LRRIQ1: variants seen among roughly 807,000 people sequenced by gnomAD.
LRRIQ1 encodes the protein leucine-rich repeat- and IQ domain-containing protein 1.
Under a neutral mutation model 211.9 loss-of-function variants are expected in LRRIQ1, and 210 were observed. The ratio of observed to expected loss-of-function variants is 0.99; its 90% CI spans 0.89 to 1.11. The LOEUF is 1.11. Among genes scored for constraint, LRRIQ1 ranks in the 50% most tolerant of loss-of-function variants. LRRIQ1 has a pLI of 0.00. For synonymous variants in LRRIQ1, 699 were observed against 650.1 expected, an observed-to-expected ratio of 1.08 and a Z score of -1.14; for missense variants, 2,136 against 1,939.5, an observed-to-expected ratio of 1.10 and a Z score of -1.90.
intron 15 of LRRIQ1, among the ~76,000 whole-genome samples, chr12:85,113,822 A>G (rs757327774): frequency 1.3e-5 from 2 of 152,016 alleles, no homozygotes; most frequent in Non-Finnish European, 2.9e-5. Flanking sequence ...GAGAAACTGA[A>G]CTATAGGACA....
At chr12:85,252,466 G>T (rs531103936) in intron 1 of LRRIQ1, among the ~76,000 whole-genome samples, 6 of 151,978 alleles carry the variant, frequency 3.9e-5, no homozygotes, top group African/African-American at 1.4e-4. Flanking sequence ...TATTTTGAAG[G>T]TGGTTATTAA....
At chr12:85,049,788 C>T (rs1464970946) in intron 6 of LRRIQ1, among the ~76,000 whole-genome samples, 1 of 152,066 alleles carries the variant, frequency 6.6e-6, no homozygotes, top group Non-Finnish European at 1.5e-5. Context: ...GGAAGATAAC[C>T]AATGACTTCT....
chr12:85,037,378 TAA>T (rs373063056), intron 1 of LRRIQ1, among the ~76,000 whole-genome samples: 1 of 149,544 alleles, frequency 6.7e-6, no homozygotes, highest in Non-Finnish European at 1.5e-5. Flanking sequence ...TTTGTAGGCA[TAA>T]AAAAAAAATC....
At chr12:85,181,350 A>G (rs1203925463) in intron 24 of LRRIQ1, among the ~76,000 whole-genome samples, 2 of 151,912 alleles carry the variant, frequency 1.3e-5, no homozygotes, top group African/African-American at 2.4e-5. Flanking sequence ...AAGAGTGAAT[A>G]TATTTTCTAT....
chr12:85,196,858 T>C (rs1038395388), intron 24 of LRRIQ1, among the ~76,000 whole-genome samples: 1 of 152,078 alleles, frequency 6.6e-6, no homozygotes, highest in African/African-American at 2.4e-5. Flanking sequence ...GCTTCTGCAC[T>C]GCAAAAGAAA....
In LRRIQ1 at chr12:85,152,355, C is replaced by T; in HGVS notation, c.4405C>T (p.Leu1469=). 1 of 1,610,694 alleles carries T rather than the reference C, an allele frequency of 6.2e-7. No homozygotes were observed. Among genetic ancestry groups the T allele is most frequent in the Non-Finnish European group, 8.5e-7 (1 of 1,177,914 alleles). Reference sequence around the variant, plus strand: ...ACAAACACTGCTTCTTTCAAACCAGCTGCATTGGCCAAAGGTAACATGTCA... The same window carrying T: ...ACAAACACTGCTTCTTTCAAACCAGTTGCATTGGCCAAAGGTAACATGTCA... ...PSQTLLLSNQ[L]HWPKIPGNLK... Residue 1469 remains leucine, a synonymous_variant, in exon 20 of 27, where the codon CTG becomes TTG. Transcript: ENST00000393217.
Position 85,047,463 on chromosome 12 carries a change from TTCA to T in LRRIQ1, c.672_674del (p.Ile224_Gln225delinsMet). On this transcript the variant is annotated inframe_deletion, in exon 6 of 27. Transcript: ENST00000393217. Reference sequence around the variant, plus strand: ...GTTGAAAAGAAGAAATTAGAGAACATTCAGAAGGTATTTTGCTTTTGTTTTTCA... The same window carrying T: ...GTTGAAAAGAAGAAATTAGAGAACATGAAGGTATTTTGCTTTTGTTTTTCA... 5 of 1,610,264 alleles carry T rather than the reference TTCA, an allele frequency of 3.1e-6. No individual in the cohort carries two copies. Among genetic ancestry groups the T allele is most frequent in the Non-Finnish European group, 4.2e-6 (5 of 1,178,588 alleles).
rs1037815988 is a variant in LRRIQ1, at chr12:85,098,658, C to T, written c.3081+110C>T. The T allele has an allele frequency of 5.6e-6, 5 of 888,908 alleles. No homozygotes were observed. In the African/African-American group the frequency reaches 6.8e-5, roughly 12 times the overall value. 55.1% of individuals were successfully genotyped at this position (888,908 alleles called of 1,614,324 possible). ...TTGAATAATTATTTTGTTCATTTTT[C>T]ACCATGAAGTAACCTTTATCAAGAA... On this transcript the variant is annotated intron_variant, in intron 12 of 26. Coordinates refer to ENST00000393217, the MANE Select transcript of LRRIQ1 (RefSeq NM_001079910.2).
intron 16 of LRRIQ1, among the ~76,000 whole-genome samples, chr12:85,122,387 A>G (rs1014371177): frequency 3.3e-5 from 5 of 152,146 alleles, no homozygotes; most frequent in South Asian, 2.1e-4. Flanking sequence ...CATTTAGACT[A>G]CAGAAGTTGA....
intron 15 of LRRIQ1, among the ~76,000 whole-genome samples, chr12:85,107,761 C>G (rs956950280): frequency 1.1e-4 from 16 of 151,978 alleles, no homozygotes; most frequent in African/African-American, 3.9e-4. Context: ...CGAATAGTTT[C>G]TATTGCTTTG....
intron 6 of LRRIQ1, among the ~76,000 whole-genome samples, chr12:85,049,914 T>C (rs1038458319): frequency 4.6e-5 from 7 of 152,232 alleles, no homozygotes; most frequent in Non-Finnish European, 7.3e-5. Context: ...GATCACATTG[T>C]CTTGATTCTG....
At chr12:85,202,919 A>T (rs570533342) in intron 24 of LRRIQ1, among the ~76,000 whole-genome samples, 1 of 152,260 alleles carries the variant, frequency 6.6e-6, no homozygotes, top group African/African-American at 2.4e-5. Context: ...GTGGCCAGTA[A>T]TGGTTTTTCC....
At chr12:85,198,936 T>G (rs1454128401) in intron 24 of LRRIQ1, among the ~76,000 whole-genome samples, 1 of 152,156 alleles carries the variant, frequency 6.6e-6, no homozygotes, top group African/African-American at 2.4e-5. Flanking sequence ...TCTGTTCAAG[T>G]CCTTTGCCCA....
intron 24 of LRRIQ1, among the ~76,000 whole-genome samples, chr12:85,170,155 T>G (rs1291535097): frequency 6.6e-6 from 1 of 151,872 alleles, no homozygotes; most frequent in South Asian, 2.1e-4. Context: ...CAACTATTTT[T>G]TAATCCAAAT....
At chr12:85,052,380 A>C (rs1880444259) in intron 7 of LRRIQ1, 129 bp downstream of exon 7, 1 of 458,898 alleles carries the variant, frequency 2.2e-6, no homozygotes, top group Non-Finnish European at 3.9e-6. Flanking sequence ...TACAGCATTA[A>C]AAATTTATTA....
Position 85,232,619 on chromosome 12 carries a change from T to C in LRRIQ1, c.4956-77T>C, listed in dbSNP as rs1894996141. The C allele has an allele frequency of 7.6e-6, 9 of 1,180,624 alleles. No individual in the cohort carries two copies. In the South Asian group the frequency reaches 1.3e-4, roughly 16 times the overall value. 73.1% of individuals were successfully genotyped at this position (1,180,624 alleles called of 1,614,324 possible). On this transcript the variant is annotated intron_variant, in intron 25 of 26. Transcript: ENST00000393217. Reference sequence around the variant, plus strand: ...GTAAATAACGAATTTCTCTCAAGCTTTTTAGTTGGACGTTTCTTTTATATG... The same window carrying C: ...GTAAATAACGAATTTCTCTCAAGCTCTTTAGTTGGACGTTTCTTTTATATG...
At chr12:85,145,141 A>G (rs1319347977) in intron 19 of LRRIQ1, among the ~76,000 whole-genome samples, 1 of 151,610 alleles carries the variant, frequency 6.6e-6, no homozygotes, top group Non-Finnish European at 1.5e-5. Flanking sequence ...CCTGCCAACA[A>G]TGCTTACAAT....
chr12:85,044,920 A>G (rs1225207464), intron 4 of LRRIQ1, 111 bp downstream of exon 4: 5 of 451,098 alleles, frequency 1.1e-5, no homozygotes, highest in Non-Finnish European at 1.6e-5. Context: ...AAATATTAAA[A>G]ATTTAATTAT....
rs1894233681 is a variant in LRRIQ1 at position 85,217,933 on chromosome 12, T to C, written c.4823-11584T>C. 2.0e-5 allele frequency among the ~76,000 whole-genome samples: 3 copies of C among 151,590 alleles called. No individual in the cohort carries two copies. The South Asian group carries it at 6.2e-4, about 31-fold the overall frequency. ...TGAGCGGGCCCTAGTTTGGATGACT[T>C]ACTATATTAACACTCCCTGAGGGAG... On this transcript the variant is annotated intron_variant, in intron 24 of 26. Coordinates refer to ENST00000393217, the MANE Select transcript of LRRIQ1 (RefSeq NM_001079910.2).
Sources: gnomAD v4.1 joint callset for allele counts (sites outside exome capture counted in the v4.1 genomes callset) on GRCh38, gnomAD v4.1.1 for gene constraint, MANE v1.5 for transcripts, NCBI Gene and HGNC (gene_info 2026-07-23, HGNC 2026-07-21) for gene names.